ROPN1: variants seen among roughly 807,000 people sequenced by gnomAD.
ROPN1 encodes rhophilin associated tail protein 1.
ROPN1 carries 14 observed loss-of-function variants against 20.5 expected under a neutral mutation model. The ratio of observed to expected loss-of-function variants is 0.68; its 90% CI spans 0.45 to 1.07. The LOEUF is 1.07. Ranked by LOEUF, ROPN1 falls within the 50% of genes least tolerant of loss-of-function variation. The probability of loss-of-function intolerance (pLI) is 0.00; values close to 1 mark genes in which losing one functional copy is unlikely to be tolerated. For synonymous variants in ROPN1, 76 were observed against 95.7 expected (o/e 0.79, Z 1.20); for missense variants, 169 against 242.8 (o/e 0.70, Z 2.02).
intron 3 of ROPN1, among the ~76,000 whole-genome samples, chr3:123,976,000 C>T (rs571600129): frequency 6.6e-6 from 1 of 152,280 alleles, no homozygotes; most frequent in Non-Finnish European, 1.5e-5. Flanking sequence ...TCAAGTGCAT[C>T]CCTCATGCTT....
Position 123,977,992 on chromosome 3 carries a change from A to G in ROPN1, c.117-1011T>C, listed in dbSNP as rs16834949. Among the ~76,000 whole-genome samples the G allele has an allele frequency of 0.012, 1,814 of 152,248 alleles. 68 individuals carry two copies. In the East Asian group the frequency reaches 0.14, roughly 12 times the overall value. ...GGTTATTGACGATCCATGAACCACA[A>G]ATTTCTGTCCCGCCCTGCTTTTTTC... On this transcript the variant is annotated intron_variant, in intron 2 of 5. Coordinates refer to ENST00000405845, the MANE Select transcript of ROPN1 (RefSeq NM_001317774.2).
At chr3:123,989,627 T>C (rs1373669787) in intron 1 of ROPN1, among the ~76,000 whole-genome samples, 3 of 152,328 alleles carry the variant, frequency 2.0e-5, no homozygotes, top group East Asian at 3.9e-4. Context: ...TTTCATGCAG[T>C]GTGTGATCTT....
chr3:123,979,654 C>T (rs1042388540), intron 2 of ROPN1: 2 of 375,084 alleles, frequency 5.3e-6, no homozygotes. Context: ...AAAGAAGGCA[C>T]CCGTGTTTGA....
chr3:123,976,156 T>A (rs1327102612), intron 3 of ROPN1, among the ~76,000 whole-genome samples: 1 of 152,216 alleles, frequency 6.6e-6, no homozygotes. Context: ...TGACTGGTTG[T>A]TGGCCACCAA....
chr3:123,987,951 C>T (rs1383262309), intron 1 of ROPN1, among the ~76,000 whole-genome samples: 1 of 152,198 alleles, frequency 6.6e-6, no homozygotes, highest in Non-Finnish European at 1.5e-5. Flanking sequence ...ATCCACAATT[C>T]TAGGGACACA....
At chr3:123,972,919 G>A (rs2037944400) in intron 4 of ROPN1, among the ~76,000 whole-genome samples, 1 of 152,212 alleles carries the variant, frequency 6.6e-6, no homozygotes, top group African/African-American at 2.4e-5. Context: ...ATTGCTCACA[G>A]TTTTGGAGTC....
rs574836446 is a variant in ROPN1, at chr3:123,984,948, G to C, written c.-12-4455C>G. Among the ~76,000 whole-genome samples, 3 of 152,192 alleles carry C rather than the reference G, an allele frequency of 2.0e-5. No individual in the cohort carries two copies. The South Asian group carries it at 6.2e-4, about 32-fold the overall frequency. On this transcript the variant is annotated intron_variant, in intron 1 of 5. Transcript: ENST00000405845. ...TGCCATAGGCCTTCCTAGAAAACTTGGATATCATCAAATATTGTTTGTAGT... is the reference window on the plus strand; with the variant it reads ...TGCCATAGGCCTTCCTAGAAAACTTCGATATCATCAAATATTGTTTGTAGT...
At chr3:123,974,293 C>T (rs535866871) in intron 4 of ROPN1, among the ~76,000 whole-genome samples, 3 of 152,248 alleles carry the variant, frequency 2.0e-5, no homozygotes, top group Admixed American at 2.0e-4. Flanking sequence ...TTGTGATTTT[C>T]CCCAGTCCTG....
intron 4 of ROPN1, among the ~76,000 whole-genome samples, chr3:123,970,474 A>C (rs1213891618): frequency 5.3e-5 from 8 of 152,290 alleles, no homozygotes; most frequent in East Asian, 3.9e-4. Flanking sequence ...TACATTCCTA[A>C]GTACTTTAAG....
intron 3 of ROPN1, 85 bp downstream of exon 3, chr3:123,976,779 A>T: frequency 1.5e-6 from 2 of 1,334,574 alleles, no homozygotes; most frequent in Non-Finnish European, 2.1e-6. Context: ...GCTGACTGTC[A>T]GGAGAACAGA....
At chr3:123,978,446 T>A (rs1160953419) in intron 2 of ROPN1, among the ~76,000 whole-genome samples, 1 of 152,228 alleles carries the variant, frequency 6.6e-6, no homozygotes, top group Non-Finnish European at 1.5e-5. Flanking sequence ...TGGAATTGGT[T>A]AGACAACATG....
chr3:123,971,421 A>G (rs1277688341), intron 4 of ROPN1, among the ~76,000 whole-genome samples: 10 of 152,232 alleles, frequency 6.6e-5, no homozygotes, highest in African/African-American at 1.4e-4. Context: ...TTTAATAAGC[A>G]TTGTTATTTT....
intron 1 of ROPN1, among the ~76,000 whole-genome samples, chr3:123,985,733 G>A (rs975312217): frequency 1.3e-5 from 2 of 151,862 alleles, no homozygotes; most frequent in Admixed American, 6.6e-5. Context: ...AATATTTTTT[G>A]GCTGGGTGCA....
chr3:123,971,243 A>G (rs1300060300), intron 4 of ROPN1, among the ~76,000 whole-genome samples: 3 of 152,178 alleles, frequency 2.0e-5, no homozygotes, highest in Non-Finnish European at 4.4e-5. Flanking sequence ...AGGCTTCTCT[A>G]ACTGTGGTGT....
chr3:123,987,533 C>T (rs764261996), intron 1 of ROPN1, among the ~76,000 whole-genome samples: 7 of 152,318 alleles, frequency 4.6e-5, no homozygotes, highest in South Asian at 2.1e-4. Context: ...CTCTGAAAAA[C>T]GTTTAATGGA....
rs767494215 is a variant in ROPN1, at chr3:123,970,150, C to T, written c.464G>A (p.Arg155Gln). 1.5e-5 allele frequency: 24 copies of T among 1,613,954 alleles called. No individual in the cohort carries two copies. The highest frequency in any genetic ancestry group is 1.6e-4 in the Middle Eastern group (1 of 6,084). The change falls in exon 5 of 6, where the codon CGG (arginine) becomes CAG (glutamine). Residue 155 changes from arginine to glutamine, a missense_variant. Physicochemically the swap from Arg to Gln is conservative, Grantham distance 43. This residue lies in a region of ROPN1 where 82 missense variants were observed against 100.1 expected (regional missense o/e 0.82). Coordinates refer to ENST00000405845, the MANE Select transcript of ROPN1 (RefSeq NM_001317774.2). ...LSCDHNGGSP[R>Q]IPFSTFQFLY... The stretch of plus-strand genomic sequence containing the variant: ...AAACTGGAAGGTGCTGAACGGGATC[C>T]GGGGCGACCCACCATTATGGTCACA...
chr3:123,978,950 G>C (rs564432567), intron 2 of ROPN1: 1 of 160,540 alleles, frequency 6.2e-6, no homozygotes, highest in Middle Eastern at 3.1e-3. Context: ...AGCAATGTCA[G>C]TTTGCTTACT....
At position 123,980,396 on chromosome 3, in the gene ROPN1, T is replaced by C; in HGVS notation, c.86A>G (p.Gln29Arg). The change falls in exon 2 of 6, where the codon CAG becomes CGG. Residue 29 changes from glutamine (Q) to arginine (R), a missense_variant. Transcript: ENST00000405845. ...KEFAKAAIRV[Q>R]PQDLIQWAAD... ...TGCCCACTGGATGAGGTCCTGCGGCTGCACCCTAATGGCGGCTTTGGCAAA... is the reference window on the plus strand; with the variant it reads ...TGCCCACTGGATGAGGTCCTGCGGCCGCACCCTAATGGCGGCTTTGGCAAA... 1 of 1,614,206 alleles carries C rather than the reference T, an allele frequency of 6.2e-7. No individual in the cohort carries two copies. The highest frequency in any genetic ancestry group is 8.5e-7 in the Non-Finnish European group (1 of 1,180,030).
chr3:123,985,571 T>G (rs1236896504), intron 1 of ROPN1, among the ~76,000 whole-genome samples: 1 of 152,218 alleles, frequency 6.6e-6, no homozygotes, highest in African/African-American at 2.4e-5. Context: ...GCTTTTGATG[T>G]TAAACAAATA....
Sources: gnomAD v4.1 joint callset for allele counts (sites outside exome capture counted in the v4.1 genomes callset) on GRCh38, gnomAD v4.1.1 for gene constraint, gnomAD v4.1.1 regional missense constraint, MANE v1.5 for transcripts, NCBI Gene and HGNC (gene_info 2026-07-23, HGNC 2026-07-21) for gene names.